DLC1: variants seen among roughly 807,000 people sequenced by gnomAD.
DLC1 encodes DLC1 Rho GTPase activating protein, also known as rho GTPase-activating protein 7.
In DLC1, 54 loss-of-function variants were observed where a neutral mutation model predicts 140.3. The ratio of observed to expected loss-of-function variants is 0.38; its 90% CI spans 0.31 to 0.48. The LOEUF (loss-of-function observed/expected upper bound fraction) is 0.48. Ranked by LOEUF, DLC1 falls within the 20% of genes least tolerant of loss-of-function variation. The probability of loss-of-function intolerance (pLI) is 0.96; values close to 1 mark genes in which losing one functional copy is unlikely to be tolerated. For missense variants in DLC1, 2,536 were observed against 1,907.0 expected (o/e 1.33, Z -6.14); for synonymous variants, 986 against 728.1 (o/e 1.35, Z -5.70).
At chr8:13,593,384 C>T (rs1212109867) in intron 1 of DLC1, among the ~76,000 whole-genome samples, 1 of 152,046 alleles carries the variant, frequency 6.6e-6, no homozygotes, top group Non-Finnish European at 1.5e-5. Flanking sequence ...ATTCTTTGCT[C>T]CCCAGAAGCT....
chr8:13,337,934 C>T (rs1833876279), intron 4 of DLC1, among the ~76,000 whole-genome samples: 2 of 152,148 alleles, frequency 1.3e-5, no homozygotes. Context: ...CAATTTATTA[C>T]ACTTCATTCA....
intron 4 of DLC1, among the ~76,000 whole-genome samples, chr8:13,346,853 C>G (rs1342741140): frequency 6.6e-6 from 1 of 152,154 alleles, no homozygotes; most frequent in Non-Finnish European, 1.5e-5. Context: ...ATATGAAAAC[C>G]CAGACAACAG....
At chr8:13,144,302 A>G (rs1823251944) in intron 5 of DLC1, among the ~76,000 whole-genome samples, 1 of 152,166 alleles carries the variant, frequency 6.6e-6, no homozygotes, top group Non-Finnish European at 1.5e-5. Flanking sequence ...CCCCTGCAGG[A>G]TCTTAGGCCT....
intron 5 of DLC1, among the ~76,000 whole-genome samples, chr8:13,246,773 G>A (rs575923879): frequency 1.1e-3 from 169 of 151,926 alleles, no homozygotes; most frequent in African/African-American, 4.0e-3. Flanking sequence ...TCTGGAGATA[G>A]TCTACAGAGT....
chr8:13,178,065 G>T (rs1825846382), intron 5 of DLC1, among the ~76,000 whole-genome samples: 1 of 152,002 alleles, frequency 6.6e-6, no homozygotes, highest in African/African-American at 2.4e-5. Flanking sequence ...TCAGTAAAAT[G>T]GTTCTGGGTC....
chr8:13,198,686 C>T (rs958119793), intron 5 of DLC1, among the ~76,000 whole-genome samples: 38 of 150,448 alleles, frequency 2.5e-4, no homozygotes, highest in Non-Finnish European at 5.0e-4. Context: ...CGTTAACCCT[C>T]AACCTACAGA....
At position 13,115,632 on chromosome 8, in the gene DLC1, A is replaced by G; in HGVS notation, c.1374T>C (p.Asp458=). ...KAEIEAKEAC[D]WLRATGFPQY... is the part of the protein sequence containing the mutation. ...GGGGGAAACCAGTTGCCCGTAGCCAATCACAAGCTTCCTTGGCTTCAATTT... is the reference window on the plus strand; with the variant it reads ...GGGGGAAACCAGTTGCCCGTAGCCAGTCACAAGCTTCCTTGGCTTCAATTT... The change falls in exon 6 of 18, where the codon GAT becomes GAC. Residue 458 remains aspartate (D), a synonymous_variant. Transcript: ENST00000276297. The G allele has an allele frequency of 1.2e-5, 20 of 1,614,084 alleles. No individual in the cohort carries two copies. The highest frequency in any genetic ancestry group is 1.7e-5 in the Non-Finnish European group (20 of 1,179,990).
chr8:13,187,216 T>C (rs933569941), intron 5 of DLC1, among the ~76,000 whole-genome samples: 2 of 152,224 alleles, frequency 1.3e-5, no homozygotes, highest in Admixed American at 1.3e-4. Flanking sequence ...ATAATTTATT[T>C]TTTCTCTGTT....
At chr8:13,237,275 G>GTATA (rs200510618) in intron 5 of DLC1, among the ~76,000 whole-genome samples, 1 of 141,868 alleles carries the variant, frequency 7.0e-6, no homozygotes, top group Admixed American at 7.1e-5. Flanking sequence ...GTATATAGGT[G>GTATA]TATATATATA....
At chr8:13,174,055 C>T (rs1415759536) in intron 5 of DLC1, among the ~76,000 whole-genome samples, 1 of 152,024 alleles carries the variant, frequency 6.6e-6, no homozygotes, top group Admixed American at 6.6e-5. Context: ...GTCTGTTTTT[C>T]CTTTACGTCC....
chr8:13,332,495 A>G (rs1448191015), intron 4 of DLC1, among the ~76,000 whole-genome samples: 3 of 149,932 alleles, frequency 2.0e-5, no homozygotes, highest in East Asian at 3.9e-4. Context: ...CAGTGGCACG[A>G]TCTCGGCTCA....
intron 4 of DLC1, among the ~76,000 whole-genome samples, chr8:13,377,524 C>A (rs1458340865): frequency 6.6e-6 from 1 of 152,042 alleles, no homozygotes; most frequent in Non-Finnish European, 1.5e-5. Flanking sequence ...GAAATGAAAA[C>A]AGCAAATATA....
At chr8:13,562,240 A>T (rs776123284) in intron 1 of DLC1, among the ~76,000 whole-genome samples, 19 of 152,198 alleles carry the variant, frequency 1.2e-4, no homozygotes, top group Non-Finnish European at 2.4e-4. Context: ...TTGATATATG[A>T]GAGAAAAATC....
At chr8:13,190,538 T>C (rs1346920825) in intron 5 of DLC1, among the ~76,000 whole-genome samples, 3 of 152,228 alleles carry the variant, frequency 2.0e-5, no homozygotes, top group South Asian at 2.1e-4. Context: ...CAATGAATTA[T>C]ACTGACAGGT....
chr8:13,344,420 G>A (rs934168239), intron 4 of DLC1, among the ~76,000 whole-genome samples: 6 of 152,218 alleles, frequency 3.9e-5, no homozygotes, highest in African/African-American at 1.4e-4. Flanking sequence ...TTGAACCCGG[G>A]AGGTGGAGGT....
chr8:13,155,331 A>G (rs1369223965), intron 5 of DLC1, among the ~76,000 whole-genome samples: 1 of 151,000 alleles, frequency 6.6e-6, no homozygotes, highest in African/African-American at 2.4e-5. Context: ...TATGGTGAGC[A>G]CATGACAAAA....
intron 4 of DLC1, among the ~76,000 whole-genome samples, chr8:13,315,227 C>A (rs1832821414): frequency 6.6e-6 from 1 of 152,130 alleles, no homozygotes; most frequent in African/African-American, 2.4e-5. Context: ...CCAGCATGAA[C>A]AAGATGGTGA....
At chr8:13,513,462 T>C (rs555148008) in intron 1 of DLC1, among the ~76,000 whole-genome samples, 27 of 152,242 alleles carry the variant, frequency 1.8e-4, no homozygotes, top group African/African-American at 6.5e-4. Context: ...CCTTGTACTA[T>C]ATAAAAACTT....
intron 2 of DLC1, among the ~76,000 whole-genome samples, chr8:13,444,109 TG>T (rs1194268385): frequency 8.5e-6 from 1 of 118,198 alleles, no homozygotes; most frequent in Non-Finnish European, 1.9e-5. Flanking sequence ...ATTCCTGGTT[TG>T]TTTTTTTTGT....
Sources: allele counts gnomAD v4.1 joint callset (sites outside exome capture counted in the v4.1 genomes callset), GRCh38; gene constraint gnomAD v4.1.1; transcripts MANE v1.5; gene names NCBI Gene and HGNC (gene_info 2026-07-23, HGNC 2026-07-21).